Variants in RNF17 observed in about 807,000 individuals in gnomAD.
The protein encoded by RNF17 is ring finger protein 17.
RNF17 carries 31 observed loss-of-function variants against 200.5 expected under a neutral mutation model. The observed-to-expected ratio is 0.15, with a 90% CI of 0.12 to 0.21. The LOEUF is 0.21. Among genes scored for constraint, RNF17 ranks in the 10% least tolerant of loss-of-function variants. The pLI is 1.00. For synonymous variants in RNF17, 606 were observed against 637.8 expected (o/e 0.95, Z 0.75); for missense variants, 1,628 against 1,905.1 (o/e 0.85, Z 2.71).
chr13:24,792,096 A>T (rs2137646985), intron 9 of RNF17, among the ~76,000 whole-genome samples: 1 of 152,292 alleles, frequency 6.6e-6, no homozygotes, highest in Non-Finnish European at 1.5e-5. Context: ...TACATGGATA[A>T]TCAACAACCT....
intron 18 of RNF17, among the ~76,000 whole-genome samples, chr13:24,835,260 G>C (rs1305771629): frequency 6.6e-6 from 1 of 151,924 alleles, no homozygotes; most frequent in Admixed American, 6.6e-5. Context: ...TGAAGAGAAA[G>C]GGCATATTAT....
the RNF17 span, chr13:24,750,693 CT>C: frequency 6.6e-6 from 1 of 152,202 alleles, no homozygotes; most frequent in African/African-American, 2.4e-5. Context: ...ACTTCGCCTT[CT>C]GATTTCTGTT....
Position 24,836,751 on chromosome 13 carries a change from C to A in RNF17, c.2482+4773C>A, listed in dbSNP as rs9553454. Among the ~76,000 whole-genome samples, 1,427 of 152,076 alleles carry A rather than the reference C, an allele frequency of 9.4e-3. 27 individuals carry two copies. The highest frequency in any genetic ancestry group is 0.033 in the African/African-American group (1,370 of 41,476). ...AACAAATCCTGGAAATACATCAAAA[C>A]AGAATCTCTTCAGAGCATAAATCAC... On this transcript the variant is annotated intron_variant, in intron 18 of 35. Coordinates refer to ENST00000255324, the MANE Select transcript of RNF17 (RefSeq NM_031277.3).
At chr13:24,842,980 C>G (rs1440821187) in intron 19 of RNF17, among the ~76,000 whole-genome samples, 2 of 149,888 alleles carry the variant, frequency 1.3e-5, no homozygotes, top group African/African-American at 2.5e-5. Context: ...GAGCAAGACT[C>G]TGTCTAAAAA....
intron 18 of RNF17, among the ~76,000 whole-genome samples, chr13:24,841,787 C>T (rs765344980): frequency 2.0e-5 from 3 of 151,930 alleles, no homozygotes; most frequent in Non-Finnish European, 2.9e-5. Context: ...GGTGAAACCC[C>T]GTCTCTACTA....
At chr13:24,805,005 C>A (rs1037236658) in intron 15 of RNF17, among the ~76,000 whole-genome samples, 1 of 152,068 alleles carries the variant, frequency 6.6e-6, no homozygotes. Context: ...AATGTGGAGA[C>A]CCTAACCACA....
intron 22 of RNF17, among the ~76,000 whole-genome samples, chr13:24,849,261 T>C (rs1260981275): frequency 3.3e-5 from 5 of 152,328 alleles, no homozygotes; most frequent in South Asian, 2.1e-4. Flanking sequence ...GAGCCTGCAT[T>C]ATGTTATCTG....
the RNF17 span, among the ~76,000 whole-genome samples, chr13:24,758,510 G>C: frequency 5.9e-5 from 9 of 152,164 alleles, no homozygotes; most frequent in Non-Finnish European, 1.3e-4. Context: ...AGCTGATACA[G>C]AAGGAGATCA....
intron 24 of RNF17, among the ~76,000 whole-genome samples, chr13:24,853,263 A>G (rs1333102069): frequency 6.6e-6 from 1 of 152,196 alleles, no homozygotes; most frequent in Non-Finnish European, 1.5e-5. Flanking sequence ...GAAACTTGCT[A>G]TAATTCCGCT....
chr13:24,874,363 A>T, intron 33 of RNF17, 114 bp downstream of exon 33: 1 of 868,524 alleles, frequency 1.2e-6, no homozygotes, highest in Non-Finnish European at 1.6e-6. Context: ...GGCTGTTTAT[A>T]AATTAGGAAT....
chr13:24,878,276 A>ATAGC (rs1895073383), intron 34 of RNF17, among the ~76,000 whole-genome samples: 1 of 152,244 alleles, frequency 6.6e-6, no homozygotes, highest in Non-Finnish European at 1.5e-5. Context: ...AGTGGTATGA[A>ATAGC]TAGCTCATAC....
At chr13:24,807,559 G>A (rs1886045245) in intron 15 of RNF17, among the ~76,000 whole-genome samples, 1 of 152,180 alleles carries the variant, frequency 6.6e-6, no homozygotes, top group Admixed American at 6.5e-5. Flanking sequence ...TTTGTCAGAT[G>A]AGTAGGTTGC....
In RNF17 at chr13:24,767,327, G is replaced by T; in HGVS notation, c.186G>T (p.Met62Ile). 6.2e-7 allele frequency: 1 copy of T among 1,612,682 alleles called. No individual in the cohort carries two copies. The highest frequency in any genetic ancestry group is 1.1e-5 in the South Asian group (1 of 90,998). Residue 62 changes from methionine (M) to isoleucine (I), a missense_variant, in exon 2 of 36, where the codon ATG (methionine) becomes ATT (isoleucine). Around this residue, in one of 5 missense-constraint regions of RNF17, gnomAD observed 502 missense variants for 501.7 expected, o/e 1.00. Coordinates refer to ENST00000255324, the MANE Select transcript of RNF17 (RefSeq NM_031277.3). ...CTTTTTGTGAACTATGCTTGTTAAT[G>T]ACTGAAGAATGCACCACAATTATAT... ...GHAFCELCLL[M>I]TEECTTIICP...
intron 25 of RNF17, among the ~76,000 whole-genome samples, chr13:24,858,002 C>A (rs1251075350): frequency 6.6e-6 from 1 of 151,938 alleles, no homozygotes; most frequent in Non-Finnish European, 1.5e-5. Flanking sequence ...TATTCAGGTC[C>A]CTCATGAGAT....
intron 24 of RNF17, among the ~76,000 whole-genome samples, chr13:24,851,816 C>T (rs538894936): frequency 1.3e-5 from 2 of 152,270 alleles, no homozygotes; most frequent in South Asian, 4.1e-4. Context: ...AATTTCCCCT[C>T]TCCTTTGACA....
At chr13:24,828,228 A>G (rs994565309) in intron 16 of RNF17, among the ~76,000 whole-genome samples, 1 of 51,584 alleles carries the variant, frequency 1.9e-5, no homozygotes, top group Admixed American at 2.8e-4. Flanking sequence ...TGGAGTGTGC[A>G]TGGTGCTCAT....
chr13:24,866,059 C>T, intron 29 of RNF17, 85 bp from the exon 30 acceptor site: 1 of 737,024 alleles, frequency 1.4e-6, no homozygotes, highest in South Asian at 1.7e-5. Context: ...AGGAAATGCA[C>T]CCAGTTTTTG....
Position 24,861,373 on chromosome 13 carries a change from CATA to C in RNF17, c.3884_3886del (p.Asn1295del). The C allele has an allele frequency of 6.4e-7, 1 of 1,560,794 alleles. No homozygotes were observed. The highest frequency in any genetic ancestry group is 8.7e-7 in the Non-Finnish European group (1 of 1,147,630). ...CCAGTTTTGTATTCCTTGTCAGCTC[CATA>C]ATACCACACCTGTGAGTACATAATA... On this transcript the variant is annotated inframe_deletion, in exon 27 of 36. Coordinates refer to ENST00000255324, the MANE Select transcript of RNF17 (RefSeq NM_031277.3).
intron 34 of RNF17, among the ~76,000 whole-genome samples, chr13:24,878,977 CT>C (rs1895149762): frequency 6.6e-6 from 1 of 152,036 alleles, no homozygotes; most frequent in Non-Finnish European, 1.5e-5. Context: ...TTAGGAAGAC[CT>C]TGTGAGAAGG....
Sources: allele counts gnomAD v4.1 joint callset (sites outside exome capture counted in the v4.1 genomes callset), GRCh38; gene constraint gnomAD v4.1.1; regional missense constraint gnomAD v4.1.1; transcripts MANE v1.5; gene names NCBI Gene and HGNC (gene_info 2026-07-23, HGNC 2026-07-21).